The following DIP2C variants were observed in gnomAD, a reference collection of about 807,000 sequenced individuals.
DIP2C encodes DIP2 acetate--CoA ligase C (putative), also known as disco-interacting protein 2 homolog C.
Under a neutral mutation model 192.4 loss-of-function variants are expected in DIP2C, and 33 were observed. That is an observed-to-expected ratio of 0.17 (90% CI 0.13 to 0.23). The LOEUF is 0.23. Ranked by LOEUF, DIP2C falls within the 10% of genes least tolerant of loss-of-function variation. DIP2C has a pLI of 1.00. For synonymous variants in DIP2C, 979 were observed against 864.1 expected (o/e 1.13, Z -2.33); for missense variants, 1,537 against 2,110.1 (o/e 0.73, Z 5.32).
intron 6 of DIP2C, among the ~76,000 whole-genome samples, chr10:418,200 C>T (rs11252309): frequency 0.01 from 552 of 54,394 alleles, 86 homozygotes; most frequent in African/African-American, 0.034. Context: ...AGGGCGCGGA[C>T]AGGCCTCCCT....
At chr10:278,398 G>A (rs1012175744) in intron 36 of DIP2C, among the ~76,000 whole-genome samples, 8 of 152,226 alleles carry the variant, frequency 5.3e-5, no homozygotes, top group Non-Finnish European at 7.3e-5. Context: ...GGAGGCTCCA[G>A]GAGGGCTGGA....
intron 1 of DIP2C, among the ~76,000 whole-genome samples, chr10:578,048 AGATTT>A (rs1166802137): frequency 2.6e-5 from 4 of 152,184 alleles, no homozygotes; most frequent in African/African-American, 9.7e-5. Flanking sequence ...CTACAATCTT[AGATTT>A]GAGATTATTC....
At chr10:594,453 T>C (rs916949453) in intron 1 of DIP2C, among the ~76,000 whole-genome samples, 1 of 151,188 alleles carries the variant, frequency 6.6e-6, no homozygotes, top group Non-Finnish European at 1.5e-5. Flanking sequence ...TAAGGGAACA[T>C]GGCCGAGTAC....
chr10:360,510 G>A (rs1017940452), intron 22 of DIP2C, among the ~76,000 whole-genome samples: 4 of 152,172 alleles, frequency 2.6e-5, no homozygotes, highest in African/African-American at 4.8e-5. Flanking sequence ...AATGCTTGGC[G>A]AATTCGCTCA....
chr10:567,112 G>A (rs1849506256), intron 1 of DIP2C, among the ~76,000 whole-genome samples: 1 of 152,216 alleles, frequency 6.6e-6, no homozygotes, highest in African/African-American at 2.4e-5. Flanking sequence ...CACGTATCCA[G>A]GGCCCATCTC....
intron 2 of DIP2C, among the ~76,000 whole-genome samples, chr10:486,042 A>G (rs12258965): frequency 0.082 from 12,535 of 152,306 alleles, 881 homozygotes; most frequent in African/African-American, 0.19. Context: ...AGCTTTCACG[A>G]TTGCCAAGTC....
At chr10:678,373 G>C (rs923490717) in intron 1 of DIP2C, among the ~76,000 whole-genome samples, 1 of 152,076 alleles carries the variant, frequency 6.6e-6, no homozygotes, top group Non-Finnish European at 1.5e-5. Context: ...AAAAAAGAAA[G>C]AATTTTTTAA....
intron 1 of DIP2C, chr10:662,879 C>T (rs1202102300): frequency 1.4e-6 from 1 of 717,606 alleles, no homozygotes; most frequent in Admixed American, 2.0e-5. Flanking sequence ...CAGCAGCAGC[C>T]TAGCCCCACG....
chr10:577,911 T>C (rs886370810), intron 1 of DIP2C, among the ~76,000 whole-genome samples: 1 of 152,150 alleles, frequency 6.6e-6, no homozygotes, highest in South Asian at 2.1e-4. Context: ...TGGTAGAACC[T>C]GGAATTTACC....
intron 4 of DIP2C, among the ~76,000 whole-genome samples, chr10:434,294 T>A (rs139466280): frequency 0.016 from 2,399 of 152,338 alleles, 38 homozygotes; most frequent in African/African-American, 0.036. Flanking sequence ...TGCTTTTTCT[T>A]AACAGTCAAG....
At chr10:288,966 A>C (rs146541330) in intron 32 of DIP2C, among the ~76,000 whole-genome samples, 1 of 152,374 alleles carries the variant, frequency 6.6e-6, no homozygotes, top group East Asian at 1.9e-4. Flanking sequence ...TTTAATCTTA[A>C]GAACTGCCAA....
At position 364,602 on chromosome 10, in the gene DIP2C, T is replaced by A; in HGVS notation, c.2269-20A>T. ...AAACACCTGGGGGAAACAGCATCCA[T>A]CAGGCCACTGTTCATGTGGTCAGCT... On this transcript the variant is annotated intron_variant, in intron 19 of 36. Coordinates refer to ENST00000280886, the MANE Select transcript of DIP2C (RefSeq NM_014974.3). The A allele has an allele frequency of 6.2e-7, 1 of 1,609,644 alleles. No individual in the cohort carries two copies. The highest frequency in any genetic ancestry group is 8.5e-7 in the Non-Finnish European group (1 of 1,176,364).
At chr10:592,590 A>C (rs562992619) in intron 1 of DIP2C, among the ~76,000 whole-genome samples, 6 of 152,318 alleles carry the variant, frequency 3.9e-5, no homozygotes, top group Admixed American at 3.9e-4. Flanking sequence ...CTGCTTAGAA[A>C]GGGTATGGTT....
chr10:414,906 A>G (rs936480863), intron 7 of DIP2C, among the ~76,000 whole-genome samples: 1 of 83,168 alleles, frequency 1.2e-5, no homozygotes, highest in Non-Finnish European at 2.4e-5. Flanking sequence ...ATATATATAT[A>G]TTTTTTTTTT....
intron 2 of DIP2C, among the ~76,000 whole-genome samples, chr10:479,640 T>C (rs547842682): frequency 6.6e-6 from 1 of 152,302 alleles, no homozygotes; most frequent in Non-Finnish European, 1.5e-5. Context: ...GTCCCCACAC[T>C]GTCCTCCTTT....
rs765541577 is a variant in DIP2C at position 414,079 on chromosome 10, C to T, written c.891G>A (p.Pro297=). The change falls in exon 8 of 37, where the codon CCG becomes CCA. Residue 297 remains proline (P), a synonymous_variant. Transcript: ENST00000280886. ...GCATGGCCAGCATCTGGGCCCCCTC[C>T]GGCTTTGGTTGGTTCGGATCCGGTT... ...VQQPDPNQPK[P]EGAQMLAMRG... is the part of the protein sequence containing the mutation. 2.7e-5 allele frequency: 44 copies of T among 1,613,684 alleles called. No individual in the cohort carries two copies. Among genetic ancestry groups the T allele is most frequent in the Middle Eastern group, 1.6e-4 (1 of 6,080 alleles).
At chr10:626,109 G>A (rs576689627) in intron 1 of DIP2C, among the ~76,000 whole-genome samples, 1 of 152,296 alleles carries the variant, frequency 6.6e-6, no homozygotes, top group Admixed American at 6.5e-5. Context: ...CTTCGTCCAT[G>A]GACCACGACA....
At chr10:470,585 C>CGCCATG (rs1228181398) in intron 3 of DIP2C, among the ~76,000 whole-genome samples, 1 of 152,206 alleles carries the variant, frequency 6.6e-6, no homozygotes, top group Non-Finnish European at 1.5e-5. Context: ...AACCACAACC[C>CGCCATG]GCCATGCTTA....
At chr10:414,905 TA>T (rs57185081) in intron 7 of DIP2C, among the ~76,000 whole-genome samples, 801 of 75,550 alleles carry the variant, frequency 0.011, 26 homozygotes, top group South Asian at 0.013. Flanking sequence ...TATATATATA[TA>T]TTTTTTTTTT....
Sources: allele counts gnomAD v4.1 joint callset (sites outside exome capture counted in the v4.1 genomes callset), GRCh38; gene constraint gnomAD v4.1.1; transcripts MANE v1.5; gene names NCBI Gene and HGNC (gene_info 2026-07-23, HGNC 2026-07-21).